GDAP1: variants seen among roughly 807,000 people sequenced by gnomAD.
GDAP1 encodes the protein ganglioside-induced differentiation-associated protein 1.
Under a neutral mutation model 40.1 loss-of-function variants are expected in GDAP1, and 34 were observed. The ratio of observed to expected loss-of-function variants is 0.85; its 90% CI spans 0.64 to 1.13. The LOEUF (loss-of-function observed/expected upper bound fraction) is 1.13, where lower values mean the gene tolerates loss of function less well. Among genes scored for constraint, GDAP1 ranks in the 50% most tolerant of loss-of-function variants. The pLI, the probability that GDAP1 is intolerant of heterozygous loss-of-function variation, is 0.00. For synonymous variants in GDAP1, 170 were observed against 157.4 expected, an observed-to-expected ratio of 1.08 and a Z score of -0.60; for missense variants, 374 against 433.7, an observed-to-expected ratio of 0.86 and a Z score of 1.22.
chr8:74,468,155 T>C (rs1465342400), intron 2 of GDAP1, among the ~76,000 whole-genome samples: 2 of 152,102 alleles, frequency 1.3e-5, no homozygotes, highest in Non-Finnish European at 2.9e-5. Flanking sequence ...AGCACCATAC[T>C]CTTTAAATTA....
chr8:74,368,157 G>A (rs1489488746), downstream of GDAP1, among the ~76,000 whole-genome samples: 3 of 152,298 alleles, frequency 2.0e-5, no homozygotes, highest in Admixed American at 2.0e-4. Flanking sequence ...CAATAGTATA[G>A]CTTAGTGAAA....
intron 2 of GDAP1, among the ~76,000 whole-genome samples, chr8:74,461,551 G>A (rs1355047115): frequency 6.6e-6 from 1 of 152,208 alleles, no homozygotes; most frequent in Non-Finnish European, 1.5e-5. Flanking sequence ...AAATTCGGAA[G>A]AAAAGTGAAA....
At chr8:74,442,917 CA>C (rs1469327440) in intron 2 of GDAP1, among the ~76,000 whole-genome samples, 2 of 152,190 alleles carry the variant, frequency 1.3e-5, no homozygotes. Flanking sequence ...TTCATTCATT[CA>C]TTCATTCTTA....
intron 2 of GDAP1, among the ~76,000 whole-genome samples, chr8:74,388,799 T>G (rs891577765): frequency 1.3e-5 from 2 of 152,198 alleles, no homozygotes; most frequent in African/African-American, 4.8e-5. Context: ...CTCATTATTA[T>G]TGTGTGGGAG....
chr8:74,356,259 G>A (rs1809087142), intron 2 of GDAP1, among the ~76,000 whole-genome samples: 1 of 152,074 alleles, frequency 6.6e-6, no homozygotes, highest in African/African-American at 2.4e-5. Flanking sequence ...GATTTGTCCA[G>A]TTTTAGCAGA....
At chr8:74,471,369 T>C (rs1352262116) in intron 2 of GDAP1, among the ~76,000 whole-genome samples, 2 of 152,056 alleles carry the variant, frequency 1.3e-5, no homozygotes, top group African/African-American at 4.8e-5. Flanking sequence ...TTAGTTTTGC[T>C]AGTGGTTTAT....
rs139814948 is a variant in GDAP1, at chr8:74,474,287, T to C, written c.166-14391T>C. Reference sequence around the variant, plus strand: ...TTCATATTTGGATGCCCTTTATTTCTTTCTCTTGTCTGATTGTTCTGGCCA... The same window carrying C: ...TTCATATTTGGATGCCCTTTATTTCCTTCTCTTGTCTGATTGTTCTGGCCA... On this transcript the variant is annotated intron_variant, in intron 2 of 2. Coordinates refer to the GDAP1 transcript ENST00000523640. 5.0e-3 allele frequency among the ~76,000 whole-genome samples: 765 copies of C among 152,242 alleles called. 4 individuals are homozygous for C. Among genetic ancestry groups the C allele is most frequent in the African/African-American group, 0.018 (734 of 41,538 alleles).
intron 1 of GDAP1, 152 bp downstream of exon 1, chr8:74,350,730 G>T (rs530320232): frequency 2.7e-4 from 187 of 704,428 alleles, no homozygotes; most frequent in Non-Finnish European, 4.5e-4. Context: ...GCGGGGACGC[G>T]CCCGGGTGGG....
chr8:74,465,640 A>G (rs1311950276), intron 2 of GDAP1, among the ~76,000 whole-genome samples: 1 of 152,228 alleles, frequency 6.6e-6, no homozygotes, highest in Non-Finnish European at 1.5e-5. Flanking sequence ...TTAGCATAGC[A>G]TTAAAATTCC....
rs1253548400 is a variant in GDAP1 at position 74,414,328 on chromosome 8, T to G, written c.165+63007T>G. Among the ~76,000 whole-genome samples, 4 of 150,092 alleles carry G rather than the reference T, an allele frequency of 2.7e-5. 1 individual carries two copies. Among genetic ancestry groups the G allele is most frequent in the African/African-American group, 1.0e-4 (4 of 39,436 alleles). ...TCGACAGATGCCTATGTTGGGATAA[T>G]AAAGATGTTGGAGTTATGTGACAAG... On this transcript the variant is annotated intron_variant, in intron 2 of 2. Transcript: ENST00000523640.
At chr8:74,371,551 T>A (rs1809750565), downstream of GDAP1, among the ~76,000 whole-genome samples, 1 of 151,760 alleles carries the variant, frequency 6.6e-6, no homozygotes, top group African/African-American at 2.4e-5. Flanking sequence ...TCCCAGCTAC[T>A]TGGGAGGCTG....
intron 2 of GDAP1, among the ~76,000 whole-genome samples, chr8:74,476,819 A>G (rs953354839): frequency 2.0e-5 from 3 of 152,196 alleles, no homozygotes; most frequent in Non-Finnish European, 4.4e-5. Context: ...CTGAACTTGA[A>G]TATTTGCCAT....
At chr8:74,466,595 C>G (rs993470103) in intron 2 of GDAP1, among the ~76,000 whole-genome samples, 1 of 152,064 alleles carries the variant, frequency 6.6e-6, no homozygotes, top group Non-Finnish European at 1.5e-5. Flanking sequence ...GAGGACAGAT[C>G]AAGGATAACT....
chr8:74,473,820 G>GT lies in GDAP1; in HGVS notation c.166-14851dup, dbSNP rs139078734. Among the ~76,000 whole-genome samples, 5 of 152,024 alleles carry GT rather than the reference G, an allele frequency of 3.3e-5. No individual in the cohort carries two copies. The East Asian group carries it at 7.7e-4, about 24-fold the overall frequency. ...TTGGTTCTCTATGAATTTTAGAATA[G>GT]TTTTTTTCCTGGTTCTGTGAAGAGT... On this transcript the variant is annotated intron_variant, in intron 2 of 2. Coordinates refer to the GDAP1 transcript ENST00000523640.
chr8:74,480,221 C>A (rs1806693583), intron 2 of GDAP1, among the ~76,000 whole-genome samples: 1 of 151,948 alleles, frequency 6.6e-6, no homozygotes. Context: ...ATCTCCTGAC[C>A]TCAAGATCAC....
chr8:74,476,170 T>C (rs1053816367), intron 2 of GDAP1, among the ~76,000 whole-genome samples: 1 of 152,230 alleles, frequency 6.6e-6, no homozygotes, highest in Non-Finnish European at 1.5e-5. Context: ...TTTGAGCCTA[T>C]GTGTGTCATT....
chr8:74,398,350 T>G (rs1052410632), intron 2 of GDAP1, among the ~76,000 whole-genome samples: 2 of 152,140 alleles, frequency 1.3e-5, no homozygotes, highest in Non-Finnish European at 2.9e-5. Context: ...ATTTTGAGTC[T>G]ATGTGTGTCT....
intron 2 of GDAP1, among the ~76,000 whole-genome samples, chr8:74,381,463 A>G (rs1001061568): frequency 2.6e-5 from 4 of 152,126 alleles, no homozygotes; most frequent in African/African-American, 9.7e-5. Context: ...TATGTAAAAA[A>G]AAGTAAGTAG....
intron 2 of GDAP1, among the ~76,000 whole-genome samples, chr8:74,379,664 A>G (rs2131536403): frequency 6.6e-6 from 1 of 152,238 alleles, no homozygotes; most frequent in Non-Finnish European, 1.5e-5. Flanking sequence ...GGCTATGTTA[A>G]TGTTCTTGCT....
Sources: gnomAD v4.1 joint callset for allele counts (sites outside exome capture counted in the v4.1 genomes callset) on GRCh38, gnomAD v4.1.1 for gene constraint, MANE v1.5 for transcripts, NCBI Gene and HGNC (gene_info 2026-07-23, HGNC 2026-07-21) for gene names.